ATP2C1: variants seen among roughly 807,000 people sequenced by gnomAD.
ATP2C1 encodes the protein ATPase secretory pathway Ca2+ transporting 1, also known as calcium-transporting ATPase type 2C member 1.
A neutral mutation model predicts 120.5 loss-of-function variants in ATP2C1; 31 were observed. That is an observed-to-expected ratio of 0.26 (90% CI 0.19 to 0.35). The LOEUF (loss-of-function observed/expected upper bound fraction) is 0.35. Ranked by LOEUF, ATP2C1 falls within the 10% of genes least tolerant of loss-of-function variation. ATP2C1 has a pLI of 1.00. For missense variants in ATP2C1, 731 were observed against 1,107.5 expected, an observed-to-expected ratio of 0.66 and a Z score of 4.83; for synonymous variants, 351 against 358.7, an observed-to-expected ratio of 0.98 and a Z score of 0.24.
intron 8 of ATP2C1, among the ~76,000 whole-genome samples, chr3:130,942,353 C>G (rs908920095): frequency 1.3e-5 from 2 of 152,086 alleles, no homozygotes; most frequent in African/African-American, 4.8e-5. Flanking sequence ...TGTGCAGTTG[C>G]TAAATAATGT....
At chr3:130,922,438 A>AT (rs1379992396) in intron 2 of ATP2C1, among the ~76,000 whole-genome samples, 1 of 149,646 alleles carries the variant, frequency 6.7e-6, no homozygotes, top group African/African-American at 2.5e-5. Flanking sequence ...ATTTTTTGTA[A>AT]TTTTTTGTTT....
chr3:130,996,404 G>A (rs568252924), intron 23 of ATP2C1: 2 of 575,808 alleles, frequency 3.5e-6, no homozygotes, highest in Admixed American at 3.1e-5. Context: ...AGTAGAAGGG[G>A]TATTGTGTAG....
chr3:130,918,292 C>G, intron 2 of ATP2C1: 2 of 1,553,446 alleles, frequency 1.3e-6, no homozygotes, highest in Non-Finnish European at 1.8e-6. Context: ...TTGCATAGCA[C>G]CCTTTACAAT....
At chr3:131,011,972 T>G (rs746124359) in intron 26 of ATP2C1, among the ~76,000 whole-genome samples, 18 of 152,196 alleles carry the variant, frequency 1.2e-4, no homozygotes, top group African/African-American at 7.2e-5. Flanking sequence ...TAAAGGGACA[T>G]TATTAGACTG....
intron 1 of ATP2C1, among the ~76,000 whole-genome samples, chr3:130,851,775 C>A (rs1453302236): frequency 6.6e-6 from 1 of 152,056 alleles, no homozygotes; most frequent in Non-Finnish European, 1.5e-5. Context: ...TATAGCCATA[C>A]CAAAGACCCA....
At chr3:130,983,635 C>T (rs1053003571) in intron 20 of ATP2C1, among the ~76,000 whole-genome samples, 11 of 152,172 alleles carry the variant, frequency 7.2e-5, no homozygotes, top group Non-Finnish European at 1.3e-4. Context: ...AGTTTCATTG[C>T]CCTGAAAATC....
chr3:130,978,920 T>A lies in ATP2C1; in HGVS notation c.1571-329T>A, dbSNP rs150984534. The stretch of plus-strand genomic sequence containing the variant: ...CCCATAGTTTCTCTAAATAATTAAT[T>A]CTATTTTTTAAAGAGGTAGAGTTCC... On this transcript the variant is annotated intron_variant, in intron 18 of 27. Transcript: ENST00000510168. Among the ~76,000 whole-genome samples the A allele has an allele frequency of 4.9e-3, 739 of 152,300 alleles. 10 individuals are homozygous for A. Among genetic ancestry groups the A allele is most frequent in the African/African-American group, 0.017 (692 of 41,560 alleles).
At chr3:130,985,550 G>A (rs369295736) in intron 20 of ATP2C1, among the ~76,000 whole-genome samples, 23 of 151,850 alleles carry the variant, frequency 1.5e-4, no homozygotes, top group African/African-American at 5.3e-4. Context: ...CAGGAGAATC[G>A]CTTGAACCCA....
intron 2 of ATP2C1, among the ~76,000 whole-genome samples, chr3:130,900,826 AAATT>A (rs2057786533): frequency 6.6e-6 from 1 of 152,198 alleles, no homozygotes; most frequent in Admixed American, 6.5e-5. Flanking sequence ...TAGTATAAAT[AAATT>A]AGCCTTTTGA....
At chr3:130,877,924 G>T (rs1285338003) in intron 1 of ATP2C1, among the ~76,000 whole-genome samples, 1 of 152,076 alleles carries the variant, frequency 6.6e-6, no homozygotes, top group Non-Finnish European at 1.5e-5. Flanking sequence ...TTAAGAAAAT[G>T]TGGCACATAT....
chr3:131,012,576 A>T (rs2063367889), intron 26 of ATP2C1, among the ~76,000 whole-genome samples: 1 of 152,008 alleles, frequency 6.6e-6, no homozygotes. Flanking sequence ...ACATGTTTAT[A>T]GTCCTCATTA....
intron 8 of ATP2C1, 47 bp downstream of exon 8, chr3:130,941,746 A>G (rs1395050072): frequency 2.2e-6 from 3 of 1,388,424 alleles, no homozygotes; most frequent in Non-Finnish European, 3.1e-6. Flanking sequence ...GTGGATGTAG[A>G]TTAAAGGATA....
chr3:130,877,671 C>G lies in ATP2C1; in HGVS notation c.108+26743C>G, dbSNP rs1381446581. ...TGGAGAGGATGTGGAGAAACAGGAA[C>G]ACTTTTACACTGTTGGTGGGACTGT... On this transcript the variant is annotated intron_variant, in intron 1 of 26. Coordinates refer to the ATP2C1 transcript ENST00000504381. Among the ~76,000 whole-genome samples the G allele has an allele frequency of 2.0e-5, 3 of 152,088 alleles. No homozygotes were observed. In the East Asian group the frequency reaches 5.8e-4, roughly 29 times the overall value.
rs931360565 is a variant in ATP2C1 at position 131,002,449 on chromosome 3, A to G, written c.*1099A>G. ...AAGCTTCTTTGGCCTAGATTTTAGCACAAACCTGAGTATATCTCTTCTACT... is the reference window on the plus strand; with the variant it reads ...AAGCTTCTTTGGCCTAGATTTTAGCGCAAACCTGAGTATATCTCTTCTACT... On this transcript the variant is annotated 3_prime_UTR_variant, in exon 28 of 28. Coordinates refer to ENST00000510168, the MANE Select transcript of ATP2C1 (RefSeq NM_001378687.1). 2 of 985,266 alleles carry G rather than the reference A, an allele frequency of 2.0e-6. No individual in the cohort carries two copies. Among genetic ancestry groups the G allele is most frequent in the Non-Finnish European group, 2.4e-6 (2 of 829,944 alleles). 61.0% of individuals were successfully genotyped at this position (985,266 alleles called of 1,614,324 possible).
chr3:130,906,727 T>C (rs989273948), intron 2 of ATP2C1, among the ~76,000 whole-genome samples: 1 of 150,896 alleles, frequency 6.6e-6, no homozygotes, highest in African/African-American at 2.4e-5. Flanking sequence ...TGGTTTCACA[T>C]TGTAGTTTTG....
At position 130,907,570 on chromosome 3, in the gene ATP2C1, T is replaced by C. The variant is rs535799969; in HGVS notation, c.6+12795T>C. On this transcript the variant is annotated intron_variant, in intron 2 of 27. Transcript: ENST00000510168. The stretch of plus-strand genomic sequence containing the variant: ...TCTTGGCACCCTTGTCAAAAATCAA[T>C]TGACCAGAAATTATGGGTTTATTTC... Among the ~76,000 whole-genome samples the C allele has an allele frequency of 5.3e-5, 8 of 152,176 alleles. No homozygotes were observed. In the East Asian group the frequency reaches 1.5e-3, roughly 29 times the overall value.
intron 2 of ATP2C1, among the ~76,000 whole-genome samples, chr3:130,901,030 G>A (rs1444196885): frequency 6.6e-6 from 1 of 152,136 alleles, no homozygotes; most frequent in African/African-American, 2.4e-5. Flanking sequence ...AAGCTTGGGA[G>A]TTGTACCTTA....
Position 130,943,371 on chromosome 3 carries a change from C to T in ATP2C1, c.531+1672C>T, listed in dbSNP as rs184388406. On this transcript the variant is annotated intron_variant, in intron 8 of 27. Transcript: ENST00000510168. ...CTGAGATTACAGGTGCCTGCCACCACGCCTGGCTAATTTTTTAGTATTTTT... is the reference window on the plus strand; with the variant it reads ...CTGAGATTACAGGTGCCTGCCACCATGCCTGGCTAATTTTTTAGTATTTTT... 6.7e-4 allele frequency among the ~76,000 whole-genome samples: 102 copies of T among 152,142 alleles called. 1 individual carries two copies. Among genetic ancestry groups the T allele is most frequent in the Middle Eastern group, 3.4e-3 (1 of 294 alleles).
intron 26 of ATP2C1, among the ~76,000 whole-genome samples, chr3:131,012,319 G>A (rs1027695420): frequency 6.9e-6 from 1 of 145,478 alleles, no homozygotes; most frequent in Non-Finnish European, 1.5e-5. Context: ...GTACAGTGGC[G>A]CCATCTCGGT....
Sources: gnomAD v4.1 joint callset for allele counts (sites outside exome capture counted in the v4.1 genomes callset) on GRCh38, gnomAD v4.1.1 for gene constraint, MANE v1.5 for transcripts, NCBI Gene and HGNC (gene_info 2026-07-23, HGNC 2026-07-21) for gene names.